Variants in GADL1 observed in about 807,000 individuals in gnomAD.
GADL1 encodes GAD like acidic amino acid decarboxylase 1, also known as acidic amino acid decarboxylase GADL1.
A neutral mutation model predicts 69.5 loss-of-function variants in GADL1; 71 were observed. That is an observed-to-expected ratio of 1.02 (90% CI 0.84 to 1.25). The LOEUF (loss-of-function observed/expected upper bound fraction) is 1.25, where lower values mean the gene tolerates loss of function less well. GADL1 is among the 50% of genes most tolerant of loss of function. GADL1 has a pLI of 0.00. For synonymous variants in GADL1, 254 were observed against 214.4 expected, an observed-to-expected ratio of 1.18 and a Z score of -1.62; for missense variants, 737 against 631.8, an observed-to-expected ratio of 1.17 and a Z score of -1.79.
intron 13 of GADL1, among the ~76,000 whole-genome samples, chr3:30,781,529 G>T (rs773148484): frequency 6.6e-6 from 1 of 152,302 alleles, no homozygotes; most frequent in African/African-American, 2.4e-5. Flanking sequence ...GGAAAAGCTG[G>T]AATGGTGAAT....
chr3:30,867,439 T>TATATATATATATATATATATATAA (rs1319135425), intron 1 of GADL1, among the ~76,000 whole-genome samples: 1 of 138,838 alleles, frequency 7.2e-6, no homozygotes, highest in Non-Finnish European at 1.5e-5. Context: ...TATATATATA[T>TATATATATATATATATATATATAA]ACACATATAT....
intron 1 of GADL1, among the ~76,000 whole-genome samples, chr3:30,864,846 A>G (rs1698374271): frequency 6.6e-6 from 1 of 151,988 alleles, no homozygotes; most frequent in African/African-American, 2.4e-5. Context: ...ACCACCTTCA[A>G]ATGCTAGGGT....
chr3:30,879,907 T>C (rs777846820), intron 1 of GADL1, among the ~76,000 whole-genome samples: 3 of 151,892 alleles, frequency 2.0e-5, no homozygotes, highest in Non-Finnish European at 4.4e-5. Flanking sequence ...ATGATAAAAT[T>C]ATTGTTTTGC....
intron 14 of GADL1, among the ~76,000 whole-genome samples, chr3:30,777,241 A>AAAT (rs1379454210): frequency 6.6e-6 from 1 of 152,086 alleles, no homozygotes; most frequent in African/African-American, 2.4e-5. Flanking sequence ...TGGACAATGA[A>AAAT]AATTGCTTTT....
chr3:30,804,326 A>AGGAGGC (rs1015099645), intron 11 of GADL1, among the ~76,000 whole-genome samples: 1 of 151,886 alleles, frequency 6.6e-6, no homozygotes, highest in Non-Finnish European at 1.5e-5. Context: ...GAGCATGGAG[A>AGGAGGC]GGAGGCTCTG....
intron 14 of GADL1, among the ~76,000 whole-genome samples, chr3:30,775,055 C>T (rs531147255): frequency 6.6e-6 from 1 of 152,082 alleles, no homozygotes; most frequent in Non-Finnish European, 1.5e-5. Context: ...TTACGGAGGG[C>T]GTCTTGAAAA....
intron 1 of GADL1, among the ~76,000 whole-genome samples, chr3:30,887,594 A>G (rs1413332475): frequency 6.6e-6 from 1 of 151,368 alleles, no homozygotes; most frequent in African/African-American, 2.5e-5. Context: ...GAACTGTAAG[A>G]AATAAGTTCC....
intron 11 of GADL1, among the ~76,000 whole-genome samples, chr3:30,810,420 T>G (rs1697327455): frequency 6.6e-6 from 1 of 152,022 alleles, no homozygotes; most frequent in African/African-American, 2.4e-5. Flanking sequence ...GATATAGAGA[T>G]ATATATATAG....
intron 14 of GADL1, among the ~76,000 whole-genome samples, chr3:30,767,473 CATA>C (rs1251361435): frequency 2.6e-5 from 4 of 152,040 alleles, no homozygotes; most frequent in African/African-American, 4.8e-5. Context: ...AAAATTGTAA[CATA>C]AGACCCCATA....
At chr3:30,812,928 G>A (rs1254410890) in intron 11 of GADL1, among the ~76,000 whole-genome samples, 5 of 151,970 alleles carry the variant, frequency 3.3e-5, no homozygotes, top group African/African-American at 1.2e-4. Flanking sequence ...GGGAAGAAGA[G>A]AAGGAAGGGG....
At position 30,754,005 on chromosome 3, in the gene GADL1, A is replaced by AGG. The variant is rs549939734; in HGVS notation, c.1392+24172_1392+24173dup. 1.8e-3 allele frequency among the ~76,000 whole-genome samples: 269 copies of AGG among 152,336 alleles called. 5 individuals carry two copies. In the South Asian group the frequency reaches 0.035, roughly 20 times the overall value. ...CTACGGATTTTCCCAAGGAGGACTG[A>AGG]GGTGGTGAGGGCTACTTGCATTACC... is the stretch of plus-strand genomic sequence containing the variant. On this transcript the variant is annotated intron_variant, in intron 14 of 14. Transcript: ENST00000282538.
At position 30,828,896 on chromosome 3, in the gene GADL1, T is replaced by C. The variant is rs895771815; in HGVS notation, c.1050+4957A>G. Among the ~76,000 whole-genome samples, 6 of 152,060 alleles carry C rather than the reference T, an allele frequency of 3.9e-5. 1 individual carries two copies. Among genetic ancestry groups the C allele is most frequent in the Admixed American group, 6.6e-5 (1 of 15,240 alleles). On this transcript the variant is annotated intron_variant, in intron 11 of 14. Coordinates refer to ENST00000282538, the MANE Select transcript of GADL1 (RefSeq NM_207359.3). ...GCTAACTATTGCTCTTCCACTTCTATAGGGATTTATGCTAAAGGAATACTA... is the reference window on the plus strand; with the variant it reads ...GCTAACTATTGCTCTTCCACTTCTACAGGGATTTATGCTAAAGGAATACTA...
chr3:30,859,246 G>T lies in GADL1; in HGVS notation c.211-2105C>A, dbSNP rs775947895. Among the ~76,000 whole-genome samples the T allele has an allele frequency of 5.3e-5, 8 of 152,008 alleles. No individual in the cohort carries two copies. The South Asian group carries it at 8.3e-4, about 16-fold the overall frequency. ...AGACTGGGAGGCTGGGGGGAAGCAG[G>T]AGGAAATACCAAGTTGTGCAAGTAG... On this transcript the variant is annotated intron_variant, in intron 2 of 14. Transcript: ENST00000282538.
At chr3:30,889,695 T>G (rs948387363) in intron 1 of GADL1, among the ~76,000 whole-genome samples, 1 of 152,172 alleles carries the variant, frequency 6.6e-6, no homozygotes, top group Non-Finnish European at 1.5e-5. Context: ...AATTTTGGAA[T>G]GCTGAGAGGT....
At chr3:30,825,442 C>T (rs1697665910) in intron 11 of GADL1, among the ~76,000 whole-genome samples, 2 of 151,904 alleles carry the variant, frequency 1.3e-5, no homozygotes, top group African/African-American at 2.4e-5. Context: ...TGGAACAACA[C>T]ATTCAGCAAA....
At chr3:30,811,854 C>A (rs552344706) in intron 11 of GADL1, among the ~76,000 whole-genome samples, 1 of 152,192 alleles carries the variant, frequency 6.6e-6, no homozygotes, top group South Asian at 2.1e-4. Context: ...GCCAAAAAAC[C>A]AGAATTTTCA....
At chr3:30,834,002 A>C (rs988377383) in intron 10 of GADL1, 68 bp from the exon 11 acceptor site, 2 of 1,069,752 alleles carry the variant, frequency 1.9e-6, no homozygotes, top group Non-Finnish European at 2.9e-6. Context: ...ATGGAATACT[A>C]TCATTATCAA....
intron 14 of GADL1, among the ~76,000 whole-genome samples, chr3:30,758,916 C>A (rs1696049690): frequency 6.6e-6 from 1 of 152,024 alleles, no homozygotes; most frequent in African/African-American, 2.4e-5. Context: ...CATTTGATCT[C>A]CTTCTAAAGT....
chr3:30,879,494 A>G (rs1456923612), intron 1 of GADL1, among the ~76,000 whole-genome samples: 14 of 151,882 alleles, frequency 9.2e-5, no homozygotes, highest in African/African-American at 3.4e-4. Context: ...TGGCTTTGAT[A>G]AGTCTGCAAG....
Sources: gnomAD v4.1 joint callset for allele counts (sites outside exome capture counted in the v4.1 genomes callset) on GRCh38, gnomAD v4.1.1 for gene constraint, MANE v1.5 for transcripts, NCBI Gene and HGNC (gene_info 2026-07-23, HGNC 2026-07-21) for gene names.